Variants in EPHA6 observed in about 807,000 individuals in gnomAD.
EPHA6 encodes ephrin type-A receptor 6.
A neutral mutation model predicts 112.0 loss-of-function variants in EPHA6; 50 were observed. The observed-to-expected ratio is 0.45, with a 90% confidence interval of 0.36 to 0.56. EPHA6 has a LOEUF of 0.56. EPHA6 is among the 20% of genes least tolerant of loss of function. The probability of loss-of-function intolerance (pLI) is 0.00; values close to 1 mark genes in which losing one functional copy is unlikely to be tolerated. For missense variants in EPHA6, 1,280 were observed against 1,417.4 expected (o/e 0.90, Z 1.56); for synonymous variants, 529 against 490.7 (o/e 1.08, Z -1.03).
chr3:97,234,945 C>G (rs753839194), intron 4 of EPHA6, among the ~76,000 whole-genome samples: 5 of 151,988 alleles, frequency 3.3e-5, no homozygotes, highest in Non-Finnish European at 7.4e-5. Flanking sequence ...AGCATACTCC[C>G]CTTGATTACC....
At chr3:96,922,433 G>A (rs750848448) in intron 2 of EPHA6, among the ~76,000 whole-genome samples, 1 of 151,944 alleles carries the variant, frequency 6.6e-6, no homozygotes, top group African/African-American at 2.4e-5. Flanking sequence ...GACTGGATAG[G>A]TAAATTTGAA....
At chr3:96,884,988 A>G (rs1259246031) in intron 2 of EPHA6, among the ~76,000 whole-genome samples, 1 of 152,028 alleles carries the variant, frequency 6.6e-6, no homozygotes, top group Non-Finnish European at 1.5e-5. Context: ...TGATCATGCG[A>G]TTTTTGTTTT....
At position 97,542,174 on chromosome 3, in the gene EPHA6, G is replaced by A. The variant is rs542991543; in HGVS notation, c.2386+9631G>A. Among the ~76,000 whole-genome samples the A allele has an allele frequency of 7.9e-5, 12 of 151,558 alleles. No homozygotes were observed. The South Asian group carries it at 2.5e-3, about 32-fold the overall frequency. ...TGTTACATACGTATACATGTGCCAT[G>A]TTGGTGTGCTGCACCCATTAACTCA... On this transcript the variant is annotated intron_variant, in intron 11 of 17. Coordinates refer to ENST00000389672, the MANE Select transcript of EPHA6 (RefSeq NM_001080448.3).
chr3:97,121,073 A>G (rs2048028096), intron 3 of EPHA6, among the ~76,000 whole-genome samples: 1 of 152,058 alleles, frequency 6.6e-6, no homozygotes, highest in Non-Finnish European at 1.5e-5. Context: ...ATATAATTAA[A>G]TGCTTCAAAT....
intron 3 of EPHA6, among the ~76,000 whole-genome samples, chr3:97,043,634 A>G (rs755331257): frequency 2.6e-5 from 4 of 152,126 alleles, no homozygotes; most frequent in Non-Finnish European, 5.9e-5. Flanking sequence ...TGAGCTGCGT[A>G]ATCTTTAGTT....
At chr3:97,249,564 C>G (rs2079075484) in intron 5 of EPHA6, among the ~76,000 whole-genome samples, 2 of 152,122 alleles carry the variant, frequency 1.3e-5, no homozygotes. Flanking sequence ...CAACTCTGCT[C>G]CCAGTCAGCA....
intron 5 of EPHA6, among the ~76,000 whole-genome samples, chr3:97,275,385 G>T (rs1359476958): frequency 6.6e-6 from 1 of 152,148 alleles, no homozygotes; most frequent in East Asian, 1.9e-4. Context: ...GAGCCTGATG[G>T]GTGTCAGGGT....
intron 13 of EPHA6, among the ~76,000 whole-genome samples, chr3:97,613,328 A>G (rs991249038): frequency 6.6e-6 from 1 of 152,190 alleles, no homozygotes; most frequent in Non-Finnish European, 1.5e-5. Flanking sequence ...GAGCACAGGA[A>G]GGAGGAAGTG....
At chr3:96,895,999 C>T (rs2038250153) in intron 2 of EPHA6, among the ~76,000 whole-genome samples, 1 of 152,130 alleles carries the variant, frequency 6.6e-6, no homozygotes, top group Non-Finnish European at 1.5e-5. Context: ...TAGGCTTTAT[C>T]ATCCAGGTTT....
intron 4 of EPHA6, among the ~76,000 whole-genome samples, chr3:97,231,455 A>G (rs949809858): frequency 2.0e-5 from 3 of 152,216 alleles, no homozygotes; most frequent in African/African-American, 7.2e-5. Flanking sequence ...TGAACTGACA[A>G]TAGCCAGATT....
chr3:97,273,408 A>G (rs1247576199), intron 5 of EPHA6, among the ~76,000 whole-genome samples: 1 of 152,146 alleles, frequency 6.6e-6, no homozygotes, highest in Non-Finnish European at 1.5e-5. Context: ...GACTAGACAG[A>G]AGATAGTAGG....
At chr3:97,325,803 G>A (rs548679334) in intron 5 of EPHA6, among the ~76,000 whole-genome samples, 6 of 152,072 alleles carry the variant, frequency 3.9e-5, no homozygotes, top group South Asian at 4.2e-4. Context: ...GCCTAGTTAC[G>A]TTAAAACCAA....
intron 3 of EPHA6, among the ~76,000 whole-genome samples, chr3:97,166,373 A>G (rs1362355343): frequency 2.0e-5 from 3 of 152,032 alleles, no homozygotes; most frequent in Non-Finnish European, 4.4e-5. Context: ...TTTTTAAAAA[A>G]AAAAAAAAAT....
chr3:97,624,808 C>T (rs1576116224), intron 13 of EPHA6, among the ~76,000 whole-genome samples: 2 of 151,352 alleles, frequency 1.3e-5, no homozygotes, highest in Admixed American at 1.3e-4. Flanking sequence ...GGAATTTTTC[C>T]ATTTTATCCA....
intron 14 of EPHA6, among the ~76,000 whole-genome samples, chr3:97,715,501 A>G (rs1047623594): frequency 2.0e-5 from 3 of 152,252 alleles, no homozygotes; most frequent in Admixed American, 1.3e-4. Context: ...GCAAAAGTCT[A>G]CAGACAGATT....
intron 3 of EPHA6, among the ~76,000 whole-genome samples, chr3:97,134,616 ATTATGC>A (rs1278489953): frequency 6.6e-6 from 1 of 152,170 alleles, no homozygotes; most frequent in African/African-American, 2.4e-5. Flanking sequence ...AAATAATACT[ATTATGC>A]TTATGCTTTG....
At chr3:97,516,858 A>G (rs1044957580) in intron 10 of EPHA6, among the ~76,000 whole-genome samples, 21 of 152,168 alleles carry the variant, frequency 1.4e-4, no homozygotes, top group Non-Finnish European at 2.9e-4. Context: ...TGACTTCTAC[A>G]TCTACCCTAG....
At chr3:97,015,271 T>C (rs1490724267) in intron 3 of EPHA6, among the ~76,000 whole-genome samples, 1 of 152,246 alleles carries the variant, frequency 6.6e-6, no homozygotes, top group Non-Finnish European at 1.5e-5. Flanking sequence ...AGATGTTCAA[T>C]TGGTAAAATC....
rs200499411 is a variant in EPHA6, at chr3:97,093,638, A to C, written c.1114+105645A>C. Among the ~76,000 whole-genome samples, 8 of 152,280 alleles carry C rather than the reference A, an allele frequency of 5.3e-5. No homozygotes were observed. In the East Asian group the frequency reaches 9.7e-4, roughly 18 times the overall value. On this transcript the variant is annotated intron_variant, in intron 3 of 17. Coordinates refer to ENST00000389672, the MANE Select transcript of EPHA6 (RefSeq NM_001080448.3). ...TGAGATAGTGTGCATAATACTTGACATATGATCTAATCATAATATGAGTTC... is the reference window on the plus strand; with the variant it reads ...TGAGATAGTGTGCATAATACTTGACCTATGATCTAATCATAATATGAGTTC...
Sources: allele counts gnomAD v4.1 joint callset (sites outside exome capture counted in the v4.1 genomes callset), GRCh38; gene constraint gnomAD v4.1.1; transcripts MANE v1.5; gene names NCBI Gene and HGNC (gene_info 2026-07-23, HGNC 2026-07-21).